The following LRMDA variants were observed in gnomAD, a reference collection of about 807,000 sequenced individuals.
The protein encoded by LRMDA is leucine-rich melanocyte differentiation-associated protein.
A neutral mutation model predicts 29.8 loss-of-function variants in LRMDA; 18 were observed. The ratio of observed to expected loss-of-function variants is 0.60; its 90% CI spans 0.42 to 0.90. The LOEUF (loss-of-function observed/expected upper bound fraction) is 0.90, where lower values mean the gene tolerates loss of function less well. Ranked by LOEUF, LRMDA falls within the 40% of genes least tolerant of loss-of-function variation. The probability of loss-of-function intolerance (pLI) is 0.00; values close to 1 mark genes in which losing one functional copy is unlikely to be tolerated. For missense variants in LRMDA, 273 were observed against 273.9 expected (o/e 1.00, Z 0.02); for synonymous variants, 125 against 109.4 (o/e 1.14, Z -0.89).
At chr10:75,728,426 CTGTGTGTGTGTGTGTGTG>C (rs34902461) in intron 2 of LRMDA, among the ~76,000 whole-genome samples, 6 of 138,192 alleles carry the variant, frequency 4.3e-5, no homozygotes, top group Admixed American at 1.4e-4. Flanking sequence ...ATACGTGGCT[CTGTGTGTGTGTGTGTGTG>C]TGTGTGTGTG....
At chr10:76,178,046 C>T (rs1181654638) in intron 5 of LRMDA, among the ~76,000 whole-genome samples, 1 of 152,222 alleles carries the variant, frequency 6.6e-6, no homozygotes, top group Admixed American at 6.5e-5. Flanking sequence ...GGTCTTGTAG[C>T]ACCCAGAGAC....
intron 2 of LRMDA, among the ~76,000 whole-genome samples, chr10:75,522,476 G>A (rs1222579693): frequency 6.6e-6 from 1 of 152,188 alleles, no homozygotes; most frequent in Non-Finnish European, 1.5e-5. Context: ...TGCTATGTAG[G>A]CTGATTCAAG....
intron 5 of LRMDA, among the ~76,000 whole-genome samples, chr10:76,139,780 G>A (rs1305443541): frequency 6.6e-6 from 1 of 152,140 alleles, no homozygotes; most frequent in East Asian, 1.9e-4. Flanking sequence ...TGACTGTTAT[G>A]TCAAACTAAG....
chr10:76,325,671 T>G (rs1350878913), intron 6 of LRMDA, among the ~76,000 whole-genome samples: 2 of 152,180 alleles, frequency 1.3e-5, no homozygotes, highest in African/African-American at 2.4e-5. Context: ...TTTCTTGTAT[T>G]TGAATAAGGG....
In LRMDA at chr10:75,896,031, A is replaced by G. The variant is rs568703593; in HGVS notation, c.132-139977A>G. Reference sequence around the variant, plus strand: ...GTATATTGAGGATAATAGAAGCATCATCCTTATTAAGATATCATAAAGATT... The same window carrying G: ...GTATATTGAGGATAATAGAAGCATCGTCCTTATTAAGATATCATAAAGATT... On this transcript the variant is annotated intron_variant, in intron 2 of 6. Transcript: ENST00000611255. Among the ~76,000 whole-genome samples, 10 of 152,340 alleles carry G rather than the reference A, an allele frequency of 6.6e-5. No individual in the cohort carries two copies. In the East Asian group the frequency reaches 1.9e-3, roughly 29 times the overall value.
At chr10:75,940,350 C>T (rs115814791) in intron 2 of LRMDA, among the ~76,000 whole-genome samples, 189 of 152,184 alleles carry the variant, frequency 1.2e-3, no homozygotes, top group African/African-American at 4.4e-3. Context: ...AGCCACCTGT[C>T]CCCTCATGCA....
At chr10:76,134,967 A>G (rs1313101023) in intron 5 of LRMDA, among the ~76,000 whole-genome samples, 1 of 152,216 alleles carries the variant, frequency 6.6e-6, no homozygotes, top group African/African-American at 2.4e-5. Flanking sequence ...ACCCAGGAGA[A>G]TATTTCTGCG....
intron 5 of LRMDA, among the ~76,000 whole-genome samples, chr10:76,225,506 A>G (rs1377461888): frequency 6.6e-6 from 1 of 151,888 alleles, no homozygotes; most frequent in African/African-American, 2.4e-5. Context: ...GATGCTTCAT[A>G]AATGGATTGG....
intron 2 of LRMDA, among the ~76,000 whole-genome samples, chr10:75,793,734 G>A (rs1000466782): frequency 5.3e-5 from 8 of 152,112 alleles, no homozygotes; most frequent in Admixed American, 1.3e-4. Context: ...GACTAGCATC[G>A]TTCCAGATAG....
intron 2 of LRMDA, among the ~76,000 whole-genome samples, chr10:75,546,104 T>C (rs1003464813): frequency 6.6e-6 from 1 of 152,180 alleles, no homozygotes; most frequent in Non-Finnish European, 1.5e-5. Flanking sequence ...ATGAAGTTTC[T>C]TTAAAGACAA....
chr10:75,645,102 T>A (rs552498757), intron 2 of LRMDA, among the ~76,000 whole-genome samples: 1 of 152,040 alleles, frequency 6.6e-6, no homozygotes, highest in East Asian at 1.9e-4. Context: ...CCTTCCTCAG[T>A]CTCCTGAGTA....
intron 2 of LRMDA, among the ~76,000 whole-genome samples, chr10:75,681,215 A>AG (rs1480251292): frequency 1.3e-5 from 2 of 152,182 alleles, no homozygotes; most frequent in African/African-American, 4.8e-5. Flanking sequence ...AACCAAGAAG[A>AG]GAGGAGTTAA....
rs569889193 is a variant in LRMDA, at chr10:75,685,608, A to G, written c.131+247114A>G. Among the ~76,000 whole-genome samples the G allele has an allele frequency of 5.3e-5, 8 of 152,380 alleles. No homozygotes were observed. The East Asian group carries it at 1.5e-3, about 29-fold the overall frequency. ...TCCAGACACTGAGGAAGCAAGATAA[A>G]GAAGACATAGCCCCTGATTTTGAGG... On this transcript the variant is annotated intron_variant, in intron 2 of 6. Coordinates refer to ENST00000611255, the MANE Select transcript of LRMDA (RefSeq NM_001305581.2).
intron 6 of LRMDA, among the ~76,000 whole-genome samples, chr10:76,553,510 A>G (rs950782666): frequency 6.6e-5 from 10 of 152,186 alleles, no homozygotes; most frequent in African/African-American, 2.4e-4. Context: ...GCGGGAGAAG[A>G]AGGGCTGTGG....
At chr10:75,735,444 C>T (rs1842750271) in intron 2 of LRMDA, among the ~76,000 whole-genome samples, 1 of 151,948 alleles carries the variant, frequency 6.6e-6, no homozygotes, top group Non-Finnish European at 1.5e-5. Context: ...TATTTTTGCT[C>T]CCATGAAAAA....
intron 2 of LRMDA, among the ~76,000 whole-genome samples, chr10:75,645,689 G>T (rs1010411472): frequency 6.6e-6 from 1 of 152,072 alleles, no homozygotes; most frequent in African/African-American, 2.4e-5. Context: ...CATGGAACTT[G>T]GTGTCTTCTG....
Position 75,590,726 on chromosome 10 carries a change from C to CTTTTTTTTT in LRMDA, c.131+152266_131+152274dup, listed in dbSNP as rs67966004. 6.9e-4 allele frequency among the ~76,000 whole-genome samples: 49 copies of CTTTTTTTTT among 71,384 alleles called. 1 individual carries two copies. Among genetic ancestry groups the CTTTTTTTTT allele is most frequent in the East Asian group, 1.3e-3 (3 of 2,258 alleles). The allele number at this position is 71,384 out of a possible 152,430, so 46.8% of individuals were successfully genotyped here. ...CTCCTAACTCTCACAATAAAATAGT[C>CTTTTTTTTT]TTTTTTTTTTTTTTTTTTTTTTTTT... On this transcript the variant is annotated intron_variant, in intron 2 of 6. Coordinates refer to ENST00000611255, the MANE Select transcript of LRMDA (RefSeq NM_001305581.2).
intron 2 of LRMDA, among the ~76,000 whole-genome samples, chr10:75,508,751 G>T (rs1014711250): frequency 7.2e-5 from 11 of 152,158 alleles, no homozygotes; most frequent in Non-Finnish European, 1.6e-4. Flanking sequence ...AGGTAGCTGT[G>T]CTTAATGTAA....
At chr10:75,684,966 G>A (rs1842064823) in intron 2 of LRMDA, among the ~76,000 whole-genome samples, 1 of 152,176 alleles carries the variant, frequency 6.6e-6, no homozygotes, top group African/African-American at 2.4e-5. Flanking sequence ...TTCTTAACAT[G>A]CCCTCTGCTT....
Sources: gnomAD v4.1 joint callset for allele counts (sites outside exome capture counted in the v4.1 genomes callset) on GRCh38, gnomAD v4.1.1 for gene constraint, MANE v1.5 for transcripts, NCBI Gene and HGNC (gene_info 2026-07-23, HGNC 2026-07-21) for gene names.